CYB5D2: variants seen among roughly 807,000 people sequenced by gnomAD.
CYB5D2 encodes the protein cytochrome b5 domain containing 2.
In CYB5D2, 23 loss-of-function variants were observed where a neutral mutation model predicts 22.8. The ratio of observed to expected loss-of-function variants is 1.01; its 90% confidence interval spans 0.73 to 1.43. The LOEUF (loss-of-function observed/expected upper bound fraction) is 1.43. Ranked by LOEUF, CYB5D2 falls within the 40% of genes most tolerant of loss-of-function variation. The pLI, the probability that CYB5D2 is intolerant of heterozygous loss-of-function variation, is 0.00. For synonymous variants in CYB5D2, 170 were observed against 152.2 expected (o/e 1.12, Z -0.86); for missense variants, 373 against 357.2 (o/e 1.04, Z -0.36).
chr17:4,152,348 C>T lies in CYB5D2; in HGVS notation c.391+2317C>T, dbSNP rs118158481. On this transcript the variant is annotated intron_variant, in intron 2 of 3. Transcript: ENST00000301391. ...GGCCATGTTAGGCTCTTTCAGGTTACCAGAAACCCTCAGGATACATCAGTG... is the reference window on the plus strand; with the variant it reads ...GGCCATGTTAGGCTCTTTCAGGTTATCAGAAACCCTCAGGATACATCAGTG... 4.8e-3 allele frequency among the ~76,000 whole-genome samples: 735 copies of T among 152,260 alleles called. 7 individuals carry two copies. The highest frequency in any genetic ancestry group is 6.3e-3 in the Non-Finnish European group (431 of 68,018).
chr17:4,154,997 C>T (rs1296620971), intron 3 of CYB5D2, 137 bp downstream of exon 3: 4 of 961,024 alleles, frequency 4.2e-6, no homozygotes, highest in South Asian at 3.6e-5. Context: ...TAATAATTCT[C>T]AACTTTGGCT....
At chr17:4,146,611 C>T (rs1272537689) in intron 1 of CYB5D2, among the ~76,000 whole-genome samples, 4 of 151,836 alleles carry the variant, frequency 2.6e-5, no homozygotes, top group Admixed American at 6.6e-5. Flanking sequence ...AGGATGGTCT[C>T]GATCTCCTGA....
At chr17:4,148,783 C>T (rs1422254219) in intron 1 of CYB5D2, among the ~76,000 whole-genome samples, 2 of 152,154 alleles carry the variant, frequency 1.3e-5, no homozygotes, top group African/African-American at 2.4e-5. Context: ...AAGATTGTGC[C>T]TTTGCATTCC....
chr17:4,150,095 T>A (rs1437281900), intron 2 of CYB5D2, 64 bp downstream of exon 2: 3 of 1,573,878 alleles, frequency 1.9e-6, no homozygotes, highest in African/African-American at 2.7e-5. Flanking sequence ...GGGCTGAGAT[T>A]TTTTAGGGAT....
At chr17:4,149,175 C>G (rs553154189) in intron 1 of CYB5D2, among the ~76,000 whole-genome samples, 1 of 152,212 alleles carries the variant, frequency 6.6e-6, no homozygotes, top group East Asian at 1.9e-4. Context: ...AGGTGTGAGC[C>G]TTGGGAGACA....
chr17:4,143,781 T>C lies in CYB5D2; in HGVS notation c.26T>C (p.Leu9Pro). The C allele has an allele frequency of 6.2e-7, 1 of 1,613,948 alleles. No homozygotes were observed. Among genetic ancestry groups the C allele is most frequent in the South Asian group, 1.1e-5 (1 of 91,070 alleles). Residue 9 changes from leucine (L) to proline (P), a missense_variant, in exon 1 of 4, where the codon CTT becomes CCT. Coordinates refer to ENST00000301391, the MANE Select transcript of CYB5D2 (RefSeq NM_144611.4). ...ATGTTGAGGTGCGGAGGCCGTGGGCTTTTGTTGGGCCTGGCTGTAGCCGCA... is the reference window on the plus strand; with the variant it reads ...ATGTTGAGGTGCGGAGGCCGTGGGCCTTTGTTGGGCCTGGCTGTAGCCGCA... MLRCGGRG[L>P]LLGLAVAAAA...
At chr17:4,152,078 T>C (rs1391128360) in intron 2 of CYB5D2, among the ~76,000 whole-genome samples, 1 of 151,940 alleles carries the variant, frequency 6.6e-6, no homozygotes, top group Non-Finnish European at 1.5e-5. Flanking sequence ...ATACTAAGAT[T>C]TGGGAGCACA....
chr17:4,149,969 C>T lies in CYB5D2; in HGVS notation c.329C>T (p.Ala110Val), dbSNP rs765648102. ...GTGGATGACGTATCCGACCTGTCAG[C>T]CGCTGAGATGCTGACACTTCACAAT... ...GLVDDVSDLS[A>V]AEMLTLHNWL... Residue 110 changes from alanine (A) to valine (V), a missense_variant, in exon 2 of 4, where the codon GCC (alanine) becomes GTC (valine). By Grantham distance (64) the Ala-to-Val change is moderately conservative. Transcript: ENST00000301391. The T allele has an allele frequency of 1.2e-6, 2 of 1,614,096 alleles. No homozygotes were observed. Among genetic ancestry groups the T allele is most frequent in the Non-Finnish European group, 1.7e-6 (2 of 1,180,018 alleles).
At position 4,143,975 on chromosome 17, in the gene CYB5D2, G is replaced by C; in HGVS notation, c.220G>C (p.Glu74Gln). 2.5e-6 allele frequency: 4 copies of C among 1,611,622 alleles called. No individual in the cohort carries two copies. Among genetic ancestry groups the C allele is most frequent in the South Asian group, 1.1e-5 (1 of 90,952 alleles). The stretch of plus-strand genomic sequence containing the variant: ...TGTGTCCTCCGGCCGGAGGCACTAC[G>C]AGCCTGGGTCCCACTATAGCGGCTT... ...YDVSSGRRHY[E>Q]PGSHYSGFAG... The change falls in exon 1 of 4, where the codon GAG (glutamate) becomes CAG (glutamine). Residue 74 changes from glutamate (E) to glutamine (Q), a missense_variant. Coordinates refer to ENST00000301391, the MANE Select transcript of CYB5D2 (RefSeq NM_144611.4).
chr17:4,153,154 A>T (rs981798595), intron 2 of CYB5D2, among the ~76,000 whole-genome samples: 1 of 152,216 alleles, frequency 6.6e-6, no homozygotes, highest in African/African-American at 2.4e-5. Context: ...ACAACTCCAC[A>T]TAGGACCATG....
At chr17:4,156,102 C>T (rs558283888) in intron 3 of CYB5D2, among the ~76,000 whole-genome samples, 1 of 152,244 alleles carries the variant, frequency 6.6e-6, no homozygotes, top group African/African-American at 2.4e-5. Flanking sequence ...GATGTTTTCT[C>T]GCTGGGGGCA....
rs1555619269 is a variant in CYB5D2 at position 4,156,951 on chromosome 17, A to G, written c.664A>G (p.Thr222Ala). 1.9e-6 allele frequency: 3 copies of G among 1,612,780 alleles called. No homozygotes were observed. The highest frequency in any genetic ancestry group is 2.2e-5 in the South Asian group (2 of 91,004). The change falls in exon 4 of 4, where the codon ACC (threonine) becomes GCC (alanine). Residue 222 changes from threonine to alanine, a missense_variant. By Grantham distance (58) the Thr-to-Ala change is moderately conservative. Transcript: ENST00000301391. ...GGAGCCCCGCTGCGTGTGTGTGAGA[A>G]CCACCGGCCCCCCTAGTGGCCAGAT... is the stretch of plus-strand genomic sequence containing the variant. ...AKEPRCVCVR[T>A]TGPPSGQMPD... is the part of the protein sequence containing the mutation.
chr17:4,150,135 C>A, intron 2 of CYB5D2, 104 bp downstream of exon 2: 2 of 1,418,924 alleles, frequency 1.4e-6, no homozygotes, highest in African/African-American at 1.4e-5. Flanking sequence ...TGAAAAACAG[C>A]CATGGATTTG....
chr17:4,153,080 A>G lies in CYB5D2; in HGVS notation c.392-1594A>G, dbSNP rs558278723. Among the ~76,000 whole-genome samples, 10 of 152,262 alleles carry G rather than the reference A, an allele frequency of 6.6e-5. No individual in the cohort carries two copies. In the South Asian group the frequency reaches 1.9e-3, roughly 28 times the overall value. On this transcript the variant is annotated intron_variant, in intron 2 of 3. Coordinates refer to ENST00000301391, the MANE Select transcript of CYB5D2 (RefSeq NM_144611.4). ...GGTGTGAGCCGCTGCGCCTGGCGCT[A>G]AGCTGTTCTGAGTACTGCGCCTCAC... is the stretch of plus-strand genomic sequence containing the variant.
At chr17:4,155,646 C>T (rs1567891968) in intron 3 of CYB5D2, among the ~76,000 whole-genome samples, 5 of 152,248 alleles carry the variant, frequency 3.3e-5, no homozygotes, top group African/African-American at 9.6e-5. Flanking sequence ...CTAAGATAGG[C>T]GTGGGCCTTC....
chr17:4,147,214 T>C (rs978099685), intron 1 of CYB5D2, among the ~76,000 whole-genome samples: 2 of 152,138 alleles, frequency 1.3e-5, no homozygotes, highest in Admixed American at 6.5e-5. Context: ...GAGGTTGCAG[T>C]GAGCCAAGAT....
chr17:4,157,196 G>A lies in CYB5D2; in HGVS notation c.*114G>A, dbSNP rs2059122117. 3.4e-6 allele frequency: 4 copies of A among 1,189,106 alleles called. No homozygotes were observed. The highest frequency in any genetic ancestry group is 4.7e-6 in the Non-Finnish European group (4 of 842,698). The allele number at this position is 1,189,106 out of a possible 1,614,324, so 73.7% of individuals were successfully genotyped here. A position where few individuals can be genotyped will look rare whatever the true frequency, so the allele number is the denominator to read the frequency against. On this transcript the variant is annotated 3_prime_UTR_variant, in exon 4 of 4. Transcript: ENST00000301391. The surrounding 1 kb of genome is among the most constrained non-coding windows in gnomAD (Gnocchi z 4.4). ...TGGCGCGAATCAGGAGGGTCTGGAA[G>A]GACTCTGGCTATATTCTGCAAATGT...
chr17:4,147,652 G>C (rs958074597), intron 1 of CYB5D2, among the ~76,000 whole-genome samples: 1 of 152,178 alleles, frequency 6.6e-6, no homozygotes, highest in South Asian at 2.1e-4. Context: ...TTGGGAGTTC[G>C]AAACCAGCCT....
At chr17:4,148,441 C>T (rs566773821) in intron 1 of CYB5D2, among the ~76,000 whole-genome samples, 5 of 150,490 alleles carry the variant, frequency 3.3e-5, no homozygotes, top group African/African-American at 4.9e-5. Flanking sequence ...GGCTTGAACC[C>T]GGGAGGTAGA....
Sources: gnomAD v4.1 joint callset for allele counts (sites outside exome capture counted in the v4.1 genomes callset) on GRCh38, gnomAD v4.1.1 for gene constraint, Gnocchi (gnomAD v3.1) non-coding constraint, MANE v1.5 for transcripts, NCBI Gene and HGNC (gene_info 2026-07-23, HGNC 2026-07-21) for gene names.